NEDD4: variants seen among roughly 807,000 people sequenced by gnomAD.
NEDD4 encodes E3 ubiquitin-protein ligase NEDD4.
A neutral mutation model predicts 144.9 loss-of-function variants in NEDD4; 99 were observed. That is an observed-to-expected ratio of 0.68 (90% CI 0.58 to 0.81). NEDD4 has a LOEUF of 0.81. NEDD4 is among the 30% of genes least tolerant of loss of function. The pLI, the probability that NEDD4 is intolerant of heterozygous loss-of-function variation, is 0.00. For missense variants in NEDD4, 985 were observed against 1,065.9 expected (o/e 0.92, Z 1.06); for synonymous variants, 318 against 350.6 (o/e 0.91, Z 1.04).
At chr15:55,944,718 G>C (rs2037076919) in intron 4 of NEDD4, among the ~76,000 whole-genome samples, 1 of 152,142 alleles carries the variant, frequency 6.6e-6, no homozygotes, top group Non-Finnish European at 1.5e-5. Context: ...AGCCTAACTG[G>C]GAGACACTTC....
intron 13 of NEDD4, 118 bp downstream of exon 13, chr15:55,852,306 A>T (rs1566910375): frequency 8.2e-6 from 10 of 1,222,868 alleles, no homozygotes; most frequent in East Asian, 2.7e-5. Flanking sequence ...AAAAAAATAA[A>T]AAAAAAAAAG....
Position 55,916,563 on chromosome 15 carries a change from G to A in NEDD4, c.291+8083C>T, listed in dbSNP as rs377041774. The stretch of plus-strand genomic sequence containing the variant: ...TCCACTGTACCTTGTTGGCTGTAGT[G>A]AAATCTGTAGACAGCTGCTCTTTTT... On this transcript the variant is annotated intron_variant, in intron 5 of 28. Coordinates refer to ENST00000435532, the MANE Select transcript of NEDD4 (RefSeq NM_006154.4). 2.0e-5 allele frequency: 32 copies of A among 1,613,974 alleles called. No homozygotes were observed. The highest frequency in any genetic ancestry group is 2.7e-5 in the African/African-American group (2 of 74,932).
intron 5 of NEDD4, among the ~76,000 whole-genome samples, chr15:55,897,008 C>G (rs1264646263): frequency 2.0e-5 from 3 of 152,068 alleles, no homozygotes; most frequent in Non-Finnish European, 4.4e-5. Context: ...GAGTCTCACT[C>G]TGTTGCCCAG....
chr15:55,969,615 C>T (rs1393074876), intron 1 of NEDD4, among the ~76,000 whole-genome samples: 4 of 152,110 alleles, frequency 2.6e-5, no homozygotes, highest in Admixed American at 2.0e-4. Flanking sequence ...CTGAAGCCCC[C>T]ATTCTAGGTC....
At position 55,840,464 on chromosome 15, in the gene NEDD4, G is replaced by A. The variant is rs755386033; in HGVS notation, c.2014C>T (p.His672Tyr). ...KMMLHKPITL[H>Y]DMESVDSEYY... ...AGACATACCACAGATTCCATATCAT[G>A]AAGGGTTATTGGTTTGTGAAGCATC... Residue 672 changes from histidine to tyrosine, a missense_variant, in exon 21 of 29, where the codon CAT becomes TAT. Physicochemically the swap from His to Tyr is moderately conservative, Grantham distance 83. Coordinates refer to ENST00000435532, the MANE Select transcript of NEDD4 (RefSeq NM_006154.4). 6.2e-7 allele frequency: 1 copy of A among 1,613,688 alleles called. No individual in the cohort carries two copies. Among genetic ancestry groups the A allele is most frequent in the East Asian group, 2.2e-5 (1 of 44,826 alleles).
At chr15:55,951,700 T>A in intron 2 of NEDD4, 111 bp from the exon 3 acceptor site, 1 of 791,898 alleles carries the variant, frequency 1.3e-6, no homozygotes, top group Non-Finnish European at 1.8e-6. Flanking sequence ...ATATCTACAA[T>A]TATTTCCTGA....
intron 19 of NEDD4, among the ~76,000 whole-genome samples, chr15:55,841,728 C>T (rs180927333): frequency 2.6e-5 from 4 of 152,206 alleles, no homozygotes; most frequent in South Asian, 2.1e-4. Context: ...CCCGCCACCA[C>T]GCCTGGGTAA....
intron 5 of NEDD4, among the ~76,000 whole-genome samples, chr15:55,890,006 T>C (rs1223101268): frequency 2.5e-4 from 38 of 152,072 alleles, no homozygotes; most frequent in South Asian, 2.1e-4. Flanking sequence ...CCAAGACTAA[T>C]TGTACATTTA....
intron 1 of NEDD4, among the ~76,000 whole-genome samples, chr15:55,986,563 T>C (rs2037895277): frequency 1.3e-5 from 2 of 148,340 alleles, no homozygotes; most frequent in Non-Finnish European, 3.0e-5. Flanking sequence ...CATCGTAGGA[T>C]GTAAGGCCTG....
At chr15:55,954,208 G>C (rs2037296787) in intron 2 of NEDD4, among the ~76,000 whole-genome samples, 1 of 151,836 alleles carries the variant, frequency 6.6e-6, no homozygotes, top group South Asian at 2.1e-4. Context: ...TTTTCTCTTT[G>C]AAACACTCAT....
In NEDD4 at chr15:55,974,891, C is replaced by CTTTTTTTTTTTTTTTTTTTTTTTTTT. The variant is rs56285555; in HGVS notation, c.46-8346_46-8345insAAAAAAAAAAAAAAAAAAAAAAAAAA. 5.4e-4 allele frequency among the ~76,000 whole-genome samples: 41 copies of CTTTTTTTTTTTTTTTTTTTTTTTTTT among 75,708 alleles called. 5 individuals carry two copies. The highest frequency in any genetic ancestry group is 9.8e-3 in the Middle Eastern group (1 of 102). The allele number at this position is 75,708 out of a possible 152,430, so 49.7% of individuals were successfully genotyped here. On this transcript the variant is annotated intron_variant, in intron 1 of 28. Transcript: ENST00000435532. Reference sequence around the variant, plus strand: ...TAAGGATGTCCATTTCTTTTCCTTTCTTTTTTTTTTTTTTTTTTTTTGAGA... The same window carrying CTTTTTTTTTTTTTTTTTTTTTTTTTT: ...TAAGGATGTCCATTTCTTTTCCTTTCTTTTTTTTTTTTTTTTTTTTTTTTTTTTTTTTTTTTTTTTTTTTTTTGAGA...
At chr15:55,993,029 C>A (rs2038012134) in intron 1 of NEDD4, among the ~76,000 whole-genome samples, 1 of 152,162 alleles carries the variant, frequency 6.6e-6, no homozygotes, top group Non-Finnish European at 1.5e-5. Flanking sequence ...AAAAACAAAC[C>A]AGCGAATGAC....
chr15:55,848,915 T>A (rs777854942), intron 14 of NEDD4, 29 bp from the exon 15 acceptor site: 1 of 1,537,896 alleles, frequency 6.5e-7, no homozygotes, highest in Non-Finnish European at 9.0e-7. Context: ...TAAAGAACAA[T>A]ACACACAAAT....
intron 19 of NEDD4, among the ~76,000 whole-genome samples, chr15:55,841,519 T>C (rs1348511729): frequency 1.3e-5 from 2 of 152,156 alleles, no homozygotes; most frequent in Non-Finnish European, 2.9e-5. Context: ...AGTTGGATAG[T>C]GGGATGGCAG....
chr15:55,948,046 GA>G (rs1321096576), intron 4 of NEDD4, among the ~76,000 whole-genome samples: 2 of 152,144 alleles, frequency 1.3e-5, no homozygotes, highest in African/African-American at 4.8e-5. Flanking sequence ...TGTATACTTA[GA>G]AAACCCCACC....
At chr15:55,962,378 T>C (rs1314304653) in intron 2 of NEDD4, among the ~76,000 whole-genome samples, 32 of 152,204 alleles carry the variant, frequency 2.1e-4, no homozygotes, top group Admixed American at 2.1e-3. Context: ...CTTGTAATTA[T>C]TGATATGATT....
intron 5 of NEDD4, among the ~76,000 whole-genome samples, chr15:55,883,695 AAACAC>A (rs371597066): frequency 0.19 from 23,199 of 121,680 alleles, 2,292 homozygotes; most frequent in Middle Eastern, 0.27. Flanking sequence ...ACACACACAC[AAACAC>A]ACACACACAC....
At chr15:55,924,418 CT>C in intron 5 of NEDD4, 1 of 505,278 alleles carries the variant, frequency 2.0e-6, no homozygotes, top group Non-Finnish European at 3.6e-6. Context: ...TGAGTAAGAC[CT>C]TATAATATGT....
intron 4 of NEDD4, among the ~76,000 whole-genome samples, chr15:55,929,703 T>C (rs1477768693): frequency 6.6e-6 from 1 of 152,188 alleles, no homozygotes; most frequent in Admixed American, 6.5e-5. Flanking sequence ...CAACAGATGA[T>C]TTTTCTGTTT....
Sources: allele counts gnomAD v4.1 joint callset (sites outside exome capture counted in the v4.1 genomes callset), GRCh38; gene constraint gnomAD v4.1.1; transcripts MANE v1.5; gene names NCBI Gene and HGNC (gene_info 2026-07-23, HGNC 2026-07-21).